Variants in OSER1 observed in about 807,000 individuals in gnomAD.
The protein encoded by OSER1 is oxidative stress responsive serine rich 1.
A neutral mutation model predicts 26.3 loss-of-function variants in OSER1; 15 were observed. The observed-to-expected ratio is 0.57, with a 90% CI of 0.38 to 0.88. The LOEUF is 0.88. Ranked by LOEUF, OSER1 falls within the 40% of genes least tolerant of loss-of-function variation. The pLI is 0.00. For missense variants in OSER1, 313 were observed against 353.9 expected, an observed-to-expected ratio of 0.88 and a Z score of 0.93; for synonymous variants, 127 against 128.2, an observed-to-expected ratio of 0.99 and a Z score of 0.07.
upstream of OSER1, among the ~76,000 whole-genome samples, chr20:44,211,695 T>C (rs2073111902): frequency 6.6e-6 from 1 of 152,204 alleles, no homozygotes; most frequent in Non-Finnish European, 1.5e-5. Context: ...GCTCAGATGG[T>C]AGGCGGGAAA....
At chr20:44,200,676 A>T (rs1253317740) in intron 3 of OSER1, among the ~76,000 whole-genome samples, 1 of 152,320 alleles carries the variant, frequency 6.6e-6, no homozygotes, top group African/African-American at 2.4e-5. Context: ...AGACATAATG[A>T]CCAAGAAATT....
upstream of OSER1, chr20:44,211,255 T>C (rs1277225241): frequency 6.6e-6 from 1 of 152,080 alleles, no homozygotes; most frequent in African/African-American, 2.4e-5. Flanking sequence ...TTGGCCAGAG[T>C]TTCTGTGATG....
intron 3 of OSER1, among the ~76,000 whole-genome samples, chr20:44,199,040 G>C (rs961300795): frequency 1.2e-4 from 18 of 152,154 alleles, no homozygotes; most frequent in African/African-American, 4.1e-4. Flanking sequence ...TGCAGTGCTT[G>C]TGTTCAAGTA....
At chr20:44,210,876 C>CGG (rs1447257832), upstream of OSER1, 1 of 152,266 alleles carries the variant, frequency 6.6e-6, no homozygotes, top group Non-Finnish European at 1.5e-5. Flanking sequence ...TCCTCCCACC[C>CGG]CAGTGACTCG....
chr20:44,205,748 G>A (rs1466564939), intron 2 of OSER1, among the ~76,000 whole-genome samples: 6 of 151,962 alleles, frequency 3.9e-5, no homozygotes, highest in African/African-American at 1.5e-4. Flanking sequence ...AGACCATCCT[G>A]GCTAACACAG....
Position 44,196,294 on chromosome 20 carries a change from CAAAAA to C in OSER1, c.*753_*757del, listed in dbSNP as rs56251501. Among the ~76,000 whole-genome samples the C allele has an allele frequency of 2.4e-3, 242 of 100,456 alleles. 1 individual carries two copies. Among genetic ancestry groups the C allele is most frequent in the African/African-American group, 9.5e-3 (229 of 24,220 alleles). The allele number at this position is 100,456 out of a possible 152,430, so 65.9% of individuals were successfully genotyped here. On this transcript the variant is annotated 3_prime_UTR_variant, in exon 4 of 4. Transcript: ENST00000255174. ...ATGAGACCTGTATTACAACTGATAA[CAAAAA>C]AAAAAAAAAAAAACCGCCATATATT...
chr20:44,209,258 A>G (rs2073071899), intron 1 of OSER1, among the ~76,000 whole-genome samples: 1 of 152,228 alleles, frequency 6.6e-6, no homozygotes, highest in Non-Finnish European at 1.5e-5. Flanking sequence ...CTACAGACTA[A>G]AACTTCAGGA....
intron 2 of OSER1, among the ~76,000 whole-genome samples, chr20:44,204,084 G>A (rs765240266): frequency 1.3e-5 from 2 of 152,140 alleles, no homozygotes; most frequent in South Asian, 2.1e-4. Context: ...CAGTGGTTAC[G>A]GTAAACTGTG....
chr20:44,207,067 G>T, intron 1 of OSER1, 69 bp from the exon 2 acceptor site: 2 of 709,612 alleles, frequency 2.8e-6, no homozygotes, highest in Non-Finnish European at 2.3e-6. Flanking sequence ...TACCATTACT[G>T]TTAGAAAAAA....
rs892130844 is a variant in OSER1 at position 44,210,722 on chromosome 20, A to T, written c.-68T>A. The T allele has an allele frequency of 1.3e-5, 2 of 152,324 alleles. No homozygotes were observed. The highest frequency in any genetic ancestry group is 4.8e-5 in the African/African-American group (2 of 41,462). 9.4% of individuals were successfully genotyped at this position (152,324 alleles called of 1,614,324 possible). On this transcript the variant is annotated 5_prime_UTR_variant, in exon 1 of 4. Transcript: ENST00000255174. ...TCCTCGCAGCTGGGACGCTCCGGTG[A>T]TGCGGGGCAGTCAGTTCAGAGCGTC...
At chr20:44,208,532 C>T (rs954688378) in intron 1 of OSER1, among the ~76,000 whole-genome samples, 3 of 151,834 alleles carry the variant, frequency 2.0e-5, no homozygotes, top group African/African-American at 7.3e-5. Context: ...AGTACATAAA[C>T]ATGAAGAAAC....
At chr20:44,204,845 T>G (rs983749990) in intron 2 of OSER1, among the ~76,000 whole-genome samples, 2 of 151,796 alleles carry the variant, frequency 1.3e-5, no homozygotes, top group Non-Finnish European at 1.5e-5. Flanking sequence ...AATTTTACTT[T>G]TTTTTTTTTT....
chr20:44,204,665 T>C (rs1032589950), intron 2 of OSER1, among the ~76,000 whole-genome samples: 1 of 152,196 alleles, frequency 6.6e-6, no homozygotes, highest in Non-Finnish European at 1.5e-5. Flanking sequence ...CCCACGCCAG[T>C]AGTCAGCGGT....
At chr20:44,206,041 GTAATT>G (rs2073034905) in intron 2 of OSER1, among the ~76,000 whole-genome samples, 1 of 151,328 alleles carries the variant, frequency 6.6e-6, no homozygotes, top group East Asian at 2.0e-4. Flanking sequence ...CTTTTAGCAA[GTAATT>G]TAATTTGTGT....
intron 1 of OSER1, among the ~76,000 whole-genome samples, chr20:44,210,400 G>A (rs1000899775): frequency 6.6e-6 from 1 of 152,258 alleles, no homozygotes; most frequent in Admixed American, 6.5e-5. Context: ...GCCAAGGAGG[G>A]CGAAAAGGGG....
At chr20:44,201,645 C>T (rs1382917654) in intron 3 of OSER1, among the ~76,000 whole-genome samples, 1 of 152,022 alleles carries the variant, frequency 6.6e-6, no homozygotes, top group African/African-American at 2.4e-5. Flanking sequence ...AAATATTGGG[C>T]AACTATATCA....
rs967256735 is a variant in OSER1, at chr20:44,207,276, T to C, written c.-41-278A>G. ...AGATGATCTAAAATCTATGTTTCAG[T>C]ATACATACTTTTTAACGGGAATCTC... On this transcript the variant is annotated intron_variant, in intron 1 of 3. Coordinates refer to ENST00000255174, the MANE Select transcript of OSER1 (RefSeq NM_016470.8). The C allele has an allele frequency of 3.1e-4, 60 of 193,336 alleles. 1 individual carries two copies. The highest frequency in any genetic ancestry group is 7.4e-5 in the Non-Finnish European group (7 of 94,742). The allele number at this position is 193,336 out of a possible 1,614,324, so 12.0% of individuals were successfully genotyped here. A position where few individuals can be genotyped will look rare whatever the true frequency, so the allele number is the denominator to read the frequency against.
Position 44,203,093 on chromosome 20 carries a change from T to C in OSER1, c.78-19A>G. The C allele has an allele frequency of 7.4e-7, 1 of 1,346,386 alleles. No individual in the cohort carries two copies. Among genetic ancestry groups the C allele is most frequent in the East Asian group, 2.3e-5 (1 of 43,588 alleles). The allele number at this position is 1,346,386 out of a possible 1,614,324, so 83.4% of individuals were successfully genotyped here. A position where few individuals can be genotyped will look rare whatever the true frequency, so the allele number is the denominator to read the frequency against. On this transcript the variant is annotated intron_variant, in intron 2 of 3. Transcript: ENST00000255174. ...TACAGACCTGAAGACAAGAACAAAG[T>C]TTACAGCTACAAAAAACTGTAAAAT...
intron 3 of OSER1, among the ~76,000 whole-genome samples, chr20:44,201,508 T>C (rs2072982006): frequency 6.6e-6 from 1 of 152,136 alleles, no homozygotes. Flanking sequence ...AAGTAAGTGA[T>C]TGTATATGGG....
Sources: gnomAD v4.1 joint callset for allele counts (sites outside exome capture counted in the v4.1 genomes callset) on GRCh38, gnomAD v4.1.1 for gene constraint, MANE v1.5 for transcripts, NCBI Gene and HGNC (gene_info 2026-07-23, HGNC 2026-07-21) for gene names.